The following SLC17A8 variants were observed in gnomAD, a reference collection of about 807,000 sequenced individuals.
SLC17A8 encodes the protein vesicular glutamate transporter 3.
A neutral mutation model predicts 58.0 loss-of-function variants in SLC17A8; 31 were observed. That is an observed-to-expected ratio of 0.53 (90% CI 0.40 to 0.72). The LOEUF (loss-of-function observed/expected upper bound fraction) is 0.72, where lower values mean the gene tolerates loss of function less well. Ranked by LOEUF, SLC17A8 falls within the 30% of genes least tolerant of loss-of-function variation. SLC17A8 has a pLI of 0.00. For missense variants in SLC17A8, 655 were observed against 727.8 expected (o/e 0.90, Z 1.15); for synonymous variants, 228 against 249.0 (o/e 0.92, Z 0.79).
rs59689031 is a variant in SLC17A8 at position 100,421,658 on chromosome 12, G to GTTTTTTTTTTTTTTTT, written c.*1506_*1521dup. 4.6e-5 allele frequency: 5 copies of GTTTTTTTTTTTTTTTT among 109,852 alleles called. No homozygotes were observed. The highest frequency in any genetic ancestry group is 1.1e-4 in the Admixed American group (1 of 9,318). The allele number at this position is 109,852 out of a possible 1,614,324, so 6.8% of individuals were successfully genotyped here. ...TACTTGTAGCTTATTATTGTAAAGT[G>GTTTTTTTTTTTTTTTT]TTTTTTTTTTTTTTTTTTTTTTCTA... On this transcript the variant is annotated 3_prime_UTR_variant, in exon 12 of 12. Transcript: ENST00000323346.
intron 2 of SLC17A8, 120 bp from the exon 3 acceptor site, chr12:100,390,881 G>A (rs1429050939): frequency 3.9e-6 from 3 of 769,018 alleles, no homozygotes; most frequent in African/African-American, 3.4e-5. Context: ...CCATAAGTAT[G>A]TGTTAAATAA....
chr12:100,413,354 A>G (rs1182829099), intron 10 of SLC17A8, among the ~76,000 whole-genome samples: 1 of 152,178 alleles, frequency 6.6e-6, no homozygotes, highest in Non-Finnish European at 1.5e-5. Flanking sequence ...TTCATTTTCC[A>G]AACAAGAAAA....
At chr12:100,412,947 C>A (rs1952881413) in intron 10 of SLC17A8, 67 bp downstream of exon 10, 1 of 1,273,926 alleles carries the variant, frequency 7.8e-7, no homozygotes, top group Non-Finnish European at 1.1e-6. Flanking sequence ...GAAGGAAGGA[C>A]AAGGATATTG....
intron 2 of SLC17A8, among the ~76,000 whole-genome samples, chr12:100,385,150 G>GAGAGAA (rs1555326209): frequency 2.0e-5 from 3 of 151,656 alleles, no homozygotes; most frequent in Non-Finnish European, 2.9e-5. Context: ...GAGAGAGAGA[G>GAGAGAA]AGAGAAAGAG....
At chr12:100,417,317 G>C (rs959577968) in intron 10 of SLC17A8, among the ~76,000 whole-genome samples, 2 of 152,212 alleles carry the variant, frequency 1.3e-5, no homozygotes, top group African/African-American at 4.8e-5. Flanking sequence ...TATTTGCCAA[G>C]GGCTTCACAT....
In SLC17A8 at chr12:100,417,146, T is replaced by C. The variant is rs988320097; in HGVS notation, c.1298-883T>C. ...GTCTTGAACTTCTGACCTCAGGTGA[T>C]CCACCCGCCTCAGCCTCCCAAAGTG... On this transcript the variant is annotated intron_variant, in intron 10 of 11. Coordinates refer to ENST00000323346, the MANE Select transcript of SLC17A8 (RefSeq NM_139319.3). Among the ~76,000 whole-genome samples the C allele has an allele frequency of 2.0e-5, 3 of 152,198 alleles. No homozygotes were observed. The South Asian group carries it at 6.2e-4, about 32-fold the overall frequency.
At position 100,392,563 on chromosome 12, in the gene SLC17A8, T is replaced by A. The variant is rs113085198; in HGVS notation, c.474-806T>A. On this transcript the variant is annotated intron_variant, in intron 3 of 11. Transcript: ENST00000323346. ...TGTTAGTTATCTATTGTATTCTTTT[T>A]AAAAAGTGATAAAATATTGGTTGCT... 9.1e-3 allele frequency among the ~76,000 whole-genome samples: 1,380 copies of A among 152,306 alleles called. 28 individuals carry two copies. The highest frequency in any genetic ancestry group is 0.032 in the African/African-American group (1,322 of 41,562).
intron 2 of SLC17A8, among the ~76,000 whole-genome samples, chr12:100,383,632 A>G (rs1003313451): frequency 1.3e-5 from 2 of 152,222 alleles, no homozygotes; most frequent in African/African-American, 2.4e-5. Context: ...AATAAGCAGT[A>G]TGAATAGGTA....
In SLC17A8 at chr12:100,418,033, T is replaced by C; in HGVS notation, c.1302T>C (p.Phe434=). Residue 434 remains phenylalanine, a synonymous_variant, in exon 11 of 12, where the codon TTT becomes TTC. Transcript: ENST00000323346. The part of the protein sequence containing the change: ...VGFSGFAISG[F]NVNHLDIAPR... Reference sequence around the variant, plus strand: ...GAGGTTTTGGCTTCACTGTAGGTTTTAATGTCAACCACCTGGACATTGCCC... The same window carrying C: ...GAGGTTTTGGCTTCACTGTAGGTTTCAATGTCAACCACCTGGACATTGCCC... 8 of 1,614,228 alleles carry C rather than the reference T, an allele frequency of 5.0e-6. No homozygotes were observed. Among genetic ancestry groups the C allele is most frequent in the Non-Finnish European group, 6.8e-6 (8 of 1,180,036 alleles).
intron 2 of SLC17A8, among the ~76,000 whole-genome samples, chr12:100,389,226 A>G (rs962601631): frequency 9.2e-5 from 14 of 152,208 alleles, no homozygotes; most frequent in Non-Finnish European, 4.4e-5. Context: ...CCATCAGCAT[A>G]GTATCAGTAA....
rs1284832948 is a variant in SLC17A8 at position 100,418,068 on chromosome 12, C to A, written c.1337C>A (p.Ala446Asp). ...CACCTGGACATTGCCCCACGCTATG[C>A]CAGCATTCTCATGGGGATCTCAAAC... ...VNHLDIAPRYASILMGISNGV... is the reference protein window; with the variant it reads ...VNHLDIAPRYDSILMGISNGV... Residue 446 changes from alanine to aspartate, a missense_variant, in exon 11 of 12, where the codon GCC becomes GAC. Physicochemically the swap from Ala to Asp is moderately radical, Grantham distance 126. Coordinates refer to ENST00000323346, the MANE Select transcript of SLC17A8 (RefSeq NM_139319.3). 2 of 1,614,040 alleles carry A rather than the reference C, an allele frequency of 1.2e-6. No homozygotes were observed. Among genetic ancestry groups the A allele is most frequent in the African/African-American group, 2.7e-5 (2 of 74,922 alleles).
intron 1 of SLC17A8, among the ~76,000 whole-genome samples, chr12:100,363,262 G>A (rs1350716682): frequency 6.6e-6 from 1 of 152,180 alleles, no homozygotes; most frequent in Non-Finnish European, 1.5e-5. Context: ...CCTCAGGTGG[G>A]TTACTGGGAA....
At chr12:100,398,680 T>C (rs1952769198) in intron 5 of SLC17A8, among the ~76,000 whole-genome samples, 1 of 152,206 alleles carries the variant, frequency 6.6e-6, no homozygotes, top group Non-Finnish European at 1.5e-5. Flanking sequence ...ATATTGGAGT[T>C]AGAAGGGATT....
intron 5 of SLC17A8, among the ~76,000 whole-genome samples, chr12:100,396,644 G>A (rs533100587): frequency 2.6e-5 from 4 of 151,976 alleles, no homozygotes; most frequent in African/African-American, 7.2e-5. Context: ...TAGCTACTAG[G>A]GAGGCTGAGG....
intron 2 of SLC17A8, among the ~76,000 whole-genome samples, chr12:100,389,887 C>T (rs1299194764): frequency 6.6e-6 from 1 of 151,708 alleles, no homozygotes; most frequent in Non-Finnish European, 1.5e-5. Flanking sequence ...GTGGTGTGAT[C>T]TTGGCTCACT....
intron 10 of SLC17A8, among the ~76,000 whole-genome samples, chr12:100,413,791 C>T (rs1265470808): frequency 6.6e-6 from 1 of 152,056 alleles, no homozygotes; most frequent in African/African-American, 2.4e-5. Flanking sequence ...GCCTGGGCAA[C>T]ATGGCAAAAC....
chr12:100,380,232 G>A (rs1254238558), intron 1 of SLC17A8, among the ~76,000 whole-genome samples: 2 of 149,630 alleles, frequency 1.3e-5, no homozygotes, highest in African/African-American at 2.5e-5. Context: ...GACTTAGAAA[G>A]GTTAAGGTCA....
chr12:100,357,756 A>G (rs1323741317), intron 1 of SLC17A8, among the ~76,000 whole-genome samples: 1 of 152,186 alleles, frequency 6.6e-6, no homozygotes, highest in Non-Finnish European at 1.5e-5. Context: ...AGATGATGAT[A>G]TTGCATATGG....
chr12:100,421,409 T>C lies in SLC17A8; in HGVS notation c.*1250T>C, dbSNP rs1294414916. 1 of 152,112 alleles carries C rather than the reference T, an allele frequency of 6.6e-6. No individual in the cohort carries two copies. The highest frequency in any genetic ancestry group is 2.4e-5 in the African/African-American group (1 of 41,440). The allele number at this position is 152,112 out of a possible 1,614,324, so 9.4% of individuals were successfully genotyped here. A position where few individuals can be genotyped will look rare whatever the true frequency, so the allele number is the denominator to read the frequency against. On this transcript the variant is annotated 3_prime_UTR_variant, in exon 12 of 12. Coordinates refer to ENST00000323346, the MANE Select transcript of SLC17A8 (RefSeq NM_139319.3). Reference sequence around the variant, plus strand: ...ATATAGCAGTAGTTATACAGAGAAATACTACAATGAAAACATTTGGGGCAA... The same window carrying C: ...ATATAGCAGTAGTTATACAGAGAAACACTACAATGAAAACATTTGGGGCAA...
Sources: gnomAD v4.1 joint callset for allele counts (sites outside exome capture counted in the v4.1 genomes callset) on GRCh38, gnomAD v4.1.1 for gene constraint, MANE v1.5 for transcripts, NCBI Gene and HGNC (gene_info 2026-07-23, HGNC 2026-07-21) for gene names.